The following DNAJC15 variants were observed in gnomAD, a reference collection of about 807,000 sequenced individuals.
DNAJC15 encodes dnaJ homolog subfamily C member 15.
In DNAJC15, 27 loss-of-function variants were observed where a neutral mutation model predicts 22.4. The observed-to-expected ratio is 1.20, with a 90% CI of 0.89 to 1.66. DNAJC15 has a LOEUF of 1.66. Among genes scored for constraint, DNAJC15 ranks in the 40% most tolerant of loss-of-function variants. The pLI, the probability that DNAJC15 is intolerant of heterozygous loss-of-function variation, is 0.00. For missense variants in DNAJC15, 208 were observed against 187.1 expected (o/e 1.11, Z -0.65); for synonymous variants, 79 against 63.2 (o/e 1.25, Z -1.19).
chr13:43,112,023 G>C lies in DNAJC15; in HGVS notation c.*4775G>C, dbSNP rs2040827268. 1 of 152,230 alleles carries C rather than the reference G, an allele frequency of 6.6e-6. No homozygotes were observed. The allele number at this position is 152,230 out of a possible 1,614,324, so 9.4% of individuals were successfully genotyped here. On this transcript the variant is annotated 3_prime_UTR_variant, in exon 6 of 6. Coordinates refer to ENST00000379221, the MANE Select transcript of DNAJC15 (RefSeq NM_013238.3). ...ACTCATTTTTATAGGTGGAACCTAA[G>C]TGATCTGGATAATTGCCCACCAGCA...
chr13:43,024,340 T>TTTG (rs2040368853), intron 1 of DNAJC15, among the ~76,000 whole-genome samples: 3 of 71,724 alleles, frequency 4.2e-5, no homozygotes, highest in African/African-American at 1.4e-4. Flanking sequence ...TTTTTACGTT[T>TTTG]TTTTTTTTTT....
chr13:43,048,673 T>C (rs993656232), intron 1 of DNAJC15, among the ~76,000 whole-genome samples: 1 of 151,996 alleles, frequency 6.6e-6, no homozygotes, highest in Admixed American at 6.5e-5. Context: ...TAGAGACCAC[T>C]GTTCCCAAAC....
At chr13:43,064,262 T>G (rs769835406) in intron 1 of DNAJC15, among the ~76,000 whole-genome samples, 8 of 152,252 alleles carry the variant, frequency 5.3e-5, no homozygotes, top group Non-Finnish European at 7.3e-5. Context: ...TTCATGCGGC[T>G]GCCCTTGCTG....
intron 1 of DNAJC15, 105 bp downstream of exon 1, chr13:43,023,839 C>A: frequency 9.1e-7 from 1 of 1,099,304 alleles, no homozygotes. Flanking sequence ...CCCGCATTCG[C>A]TCACGGTCTG....
intron 1 of DNAJC15, among the ~76,000 whole-genome samples, chr13:43,025,809 CAGA>C (rs1204496759): frequency 1.3e-5 from 2 of 152,100 alleles, no homozygotes; most frequent in African/African-American, 4.8e-5. Flanking sequence ...GAGGCTGAGG[CAGA>C]AGAATTGCTT....
chr13:43,089,401 A>G (rs9533382), intron 5 of DNAJC15, among the ~76,000 whole-genome samples: 1 of 152,114 alleles, frequency 6.6e-6, no homozygotes, highest in African/African-American at 2.4e-5. Context: ...GATAAAGGGT[A>G]TAATGAGCCA....
At chr13:43,053,048 T>C (rs897706244) in intron 1 of DNAJC15, among the ~76,000 whole-genome samples, 4 of 152,192 alleles carry the variant, frequency 2.6e-5, no homozygotes, top group African/African-American at 4.8e-5. Flanking sequence ...TTTTAGGTCT[T>C]AGATTTATCC....
intron 5 of DNAJC15, among the ~76,000 whole-genome samples, chr13:43,105,085 G>T (rs893275313): frequency 1.3e-5 from 2 of 151,430 alleles, no homozygotes; most frequent in African/African-American, 2.4e-5. Context: ...AACCAGGAGA[G>T]CATTTAGTAC....
At chr13:43,023,863 A>G (rs568966201) in intron 1 of DNAJC15, 129 bp downstream of exon 1, 43 of 879,640 alleles carry the variant, frequency 4.9e-5, no homozygotes, top group Non-Finnish European at 7.3e-5. Flanking sequence ...CCTAGCGCTC[A>G]CTTGTTCAGT....
At chr13:43,076,926 G>C (rs2040636545) in intron 3 of DNAJC15, among the ~76,000 whole-genome samples, 1 of 152,110 alleles carries the variant, frequency 6.6e-6, no homozygotes, top group Non-Finnish European at 1.5e-5. Flanking sequence ...TTGACTTGTA[G>C]TTACCATCCT....
chr13:43,065,875 G>A lies in DNAJC15; in HGVS notation c.160+138G>A. The A allele has an allele frequency of 4.3e-6, 3 of 701,692 alleles. No individual in the cohort carries two copies. The South Asian group carries it at 7.0e-5, about 16-fold the overall frequency. The allele number at this position is 701,692 out of a possible 1,614,324, so 43.5% of individuals were successfully genotyped here. ...TACATTCTCATTCTTTCCACCATTT[G>A]TAGTTACTGAACATTTGTCATTGTA... On this transcript the variant is annotated intron_variant, in intron 2 of 5. Transcript: ENST00000379221.
chr13:43,098,942 A>AT (rs1328383970), intron 5 of DNAJC15, among the ~76,000 whole-genome samples: 1 of 152,132 alleles, frequency 6.6e-6, no homozygotes, highest in East Asian at 1.9e-4. Context: ...ATCAGCTGAG[A>AT]TTTTTGATAA....
In DNAJC15 at chr13:43,086,793, G is replaced by T. The variant is rs4942190; in HGVS notation, c.382+955G>T. 0.02 allele frequency among the ~76,000 whole-genome samples: 3,086 copies of T among 152,168 alleles called. 235 individuals carry two copies. The East Asian group carries it at 0.26, about 13-fold the overall frequency. On this transcript the variant is annotated intron_variant, in intron 5 of 5. Coordinates refer to ENST00000379221, the MANE Select transcript of DNAJC15 (RefSeq NM_013238.3). ...CTCAGCTAATTTACTTTGCATTGTG[G>T]GCTATCTTATGAGCAAGTAGTGTTT...
chr13:43,063,420 G>A (rs902436549), intron 1 of DNAJC15, among the ~76,000 whole-genome samples: 1 of 152,190 alleles, frequency 6.6e-6, no homozygotes, highest in East Asian at 1.9e-4. Flanking sequence ...ACATAACCCT[G>A]TAACGTGTCA....
chr13:43,078,822 T>C, intron 4 of DNAJC15, 134 bp downstream of exon 4: 2 of 662,276 alleles, frequency 3.0e-6, no homozygotes. Context: ...CAAATTTTTA[T>C]ATTTTAAAGC....
chr13:43,098,063 AAAG>A (rs1311470644), intron 5 of DNAJC15, among the ~76,000 whole-genome samples: 3 of 143,800 alleles, frequency 2.1e-5, no homozygotes, highest in Non-Finnish European at 4.6e-5. Context: ...GGTTAGAGAA[AAAG>A]AAAATTTGCT....
intron 1 of DNAJC15, among the ~76,000 whole-genome samples, chr13:43,048,793 T>C (rs2040489632): frequency 6.6e-6 from 1 of 152,222 alleles, no homozygotes; most frequent in Admixed American, 6.5e-5. Flanking sequence ...GTTCTATAAG[T>C]AGAAGTATGT....
chr13:43,106,032 T>C (rs1349947182), intron 5 of DNAJC15, among the ~76,000 whole-genome samples: 1 of 152,182 alleles, frequency 6.6e-6, no homozygotes, highest in African/African-American at 2.4e-5. Context: ...TCTCCAGCAT[T>C]ACCCCTTCTA....
intron 1 of DNAJC15, among the ~76,000 whole-genome samples, chr13:43,041,144 A>G (rs2153439824): frequency 6.6e-6 from 1 of 152,258 alleles, no homozygotes. Context: ...GCCATATTTC[A>G]GACTATCACA....
Sources: allele counts gnomAD v4.1 joint callset (sites outside exome capture counted in the v4.1 genomes callset), GRCh38; gene constraint gnomAD v4.1.1; transcripts MANE v1.5; gene names NCBI Gene and HGNC (gene_info 2026-07-23, HGNC 2026-07-21).